Variants in S100A8 observed in about 807,000 individuals in gnomAD.
The protein encoded by S100A8 is S100 calcium binding protein A8.
S100A8 carries 1 observed loss-of-function variant against 4.2 expected under a neutral mutation model. The observed-to-expected ratio is 0.24, with a 90% CI of 0.08 to 1.12. The LOEUF is 1.12. S100A8 is among the 50% of genes most tolerant of loss of function. S100A8 has a pLI of 0.53. For missense variants in S100A8, 96 were observed against 111.8 expected, an observed-to-expected ratio of 0.86 and a Z score of 0.64; for synonymous variants, 41 against 44.7, an observed-to-expected ratio of 0.92 and a Z score of 0.33.
At chr1:153,395,467 A>G (rs1175709012), upstream of S100A8, among the ~76,000 whole-genome samples, 1 of 152,018 alleles carries the variant, frequency 6.6e-6, no homozygotes, top group Admixed American at 6.6e-5. Context: ...GTCTGCGCCC[A>G]GGTCTGGACC....
chr1:153,402,188 C>T, the S100A8 span, among the ~76,000 whole-genome samples: 1 of 152,204 alleles, frequency 6.6e-6, no homozygotes, highest in Non-Finnish European at 1.5e-5. Flanking sequence ...GTATTAAGTT[C>T]TTCCTCTTTG....
the S100A8 span, among the ~76,000 whole-genome samples, chr1:153,411,429 C>T: frequency 2.2e-4 from 33 of 152,178 alleles, no homozygotes; most frequent in African/African-American, 7.0e-4. Flanking sequence ...ACAAGGGATG[C>T]GAACAACCTC....
At chr1:153,410,878 C>A in the S100A8 span, among the ~76,000 whole-genome samples, 1 of 152,072 alleles carries the variant, frequency 6.6e-6, no homozygotes, top group African/African-American at 2.4e-5. Flanking sequence ...AAGATAAAAT[C>A]CACATGATTA....
chr1:153,398,017 G>A, the S100A8 span, among the ~76,000 whole-genome samples: 144 of 152,192 alleles, frequency 9.5e-4, no homozygotes, highest in African/African-American at 3.4e-3. Context: ...CCCTCACTCC[G>A]TCCCTCTCTA....
upstream of S100A8, among the ~76,000 whole-genome samples, chr1:153,392,813 C>T (rs1393791498): frequency 6.6e-6 from 1 of 152,152 alleles, no homozygotes; most frequent in Non-Finnish European, 1.5e-5. Flanking sequence ...TTTCACCCTC[C>T]AAAATAAATC....
At chr1:153,418,312 C>T in the S100A8 span, 10 of 1,529,104 alleles carry the variant, frequency 6.5e-6, no homozygotes. Flanking sequence ...AGGTCACCCT[C>T]ATCCTCTGAT....
chr1:153,406,701 C>T, the S100A8 span, among the ~76,000 whole-genome samples: 39 of 152,260 alleles, frequency 2.6e-4, no homozygotes, highest in Middle Eastern at 0.01. Context: ...CTCCCCAAAA[C>T]GATAGAGGAG....
chr1:153,410,145 G>A, the S100A8 span, among the ~76,000 whole-genome samples: 1 of 152,140 alleles, frequency 6.6e-6, no homozygotes, highest in African/African-American at 2.4e-5. Context: ...AGAACTGAAG[G>A]AGATAGAGAC....
the S100A8 span, among the ~76,000 whole-genome samples, chr1:153,416,807 G>A: frequency 6.6e-6 from 1 of 152,192 alleles, no homozygotes; most frequent in African/African-American, 2.4e-5. Context: ...CTGTGGAAAT[G>A]TCCCCAGTGG....
upstream of S100A8, among the ~76,000 whole-genome samples, chr1:153,395,904 C>A (rs1557849684): frequency 6.6e-6 from 1 of 152,272 alleles, no homozygotes; most frequent in African/African-American, 2.4e-5. Flanking sequence ...GGCTCAGCCC[C>A]ACCCTTGTTC....
At chr1:153,402,177 A>G in the S100A8 span, among the ~76,000 whole-genome samples, 1 of 152,200 alleles carries the variant, frequency 6.6e-6, no homozygotes. Flanking sequence ...GATGATTAAC[A>G]GTATTAAGTT....
At chr1:153,407,474 G>A in the S100A8 span, among the ~76,000 whole-genome samples, 15 of 152,324 alleles carry the variant, frequency 9.8e-5, no homozygotes, top group East Asian at 1.9e-3. Context: ...GCCAGGAAGC[G>A]CGAACTGGGT....
In S100A8 at chr1:153,390,544, C is replaced by T. The variant is rs1177032162; in HGVS notation, c.-9G>A. On this transcript the variant is annotated 5_prime_UTR_variant, in exon 2 of 3. The change creates a new upstream start codon in the 5' untranslated region. Transcript: ENST00000368733. ...TCCAGCTCGGTCAACATGATGCCCA[C>T]GGACTTGCCCCACCTGAAAAACAGA... 5 of 1,614,008 alleles carry T rather than the reference C, an allele frequency of 3.1e-6. No individual in the cohort carries two copies. Among genetic ancestry groups the T allele is most frequent in the South Asian group, 1.1e-5 (1 of 91,074 alleles).
chr1:153,391,831 G>A (rs536883704), upstream of S100A8, among the ~76,000 whole-genome samples: 1 of 152,262 alleles, frequency 6.6e-6, no homozygotes, highest in Admixed American at 6.5e-5. Flanking sequence ...CCCTCTCTTG[G>A]TTAATTATTG....
the S100A8 span, among the ~76,000 whole-genome samples, chr1:153,396,283 C>G: frequency 2.6e-5 from 4 of 152,278 alleles, no homozygotes; most frequent in Admixed American, 6.5e-5. Flanking sequence ...CAGACAGGGG[C>G]TCCCTGGAGG....
At chr1:153,398,836 T>G in the S100A8 span, among the ~76,000 whole-genome samples, 1 of 152,182 alleles carries the variant, frequency 6.6e-6, no homozygotes, top group Non-Finnish European at 1.5e-5. Flanking sequence ...GATAAGTAAT[T>G]TCCCCAAGAT....
the S100A8 span, chr1:153,419,033 T>C: frequency 2.6e-6 from 3 of 1,163,118 alleles, no homozygotes; most frequent in East Asian, 2.4e-5. Flanking sequence ...CCCACGACCA[T>C]GCCTGTGCAG....
upstream of S100A8, among the ~76,000 whole-genome samples, chr1:153,392,463 A>T (rs1662122768): frequency 6.6e-6 from 1 of 152,216 alleles, no homozygotes; most frequent in Admixed American, 6.5e-5. Context: ...TTACCATATG[A>T]TCCATCATTC....
the S100A8 span, among the ~76,000 whole-genome samples, chr1:153,399,869 G>A: frequency 4.8e-3 from 731 of 152,318 alleles, 3 homozygotes; most frequent in African/African-American, 0.017. Flanking sequence ...ACAGGCAAAG[G>A]CCCGGGGCTG....
Sources: allele counts gnomAD v4.1 joint callset (sites outside exome capture counted in the v4.1 genomes callset), GRCh38; gene constraint gnomAD v4.1.1; transcripts MANE v1.5; gene names NCBI Gene and HGNC (gene_info 2026-07-23, HGNC 2026-07-21).